The following DNAAF9 variants were observed in gnomAD, a reference collection of about 807,000 sequenced individuals.
DNAAF9 encodes dynein axonemal assembly factor 9.
A neutral mutation model predicts 167.0 loss-of-function variants in DNAAF9; 90 were observed. That is an observed-to-expected ratio of 0.54 (90% CI 0.45 to 0.64). The LOEUF (loss-of-function observed/expected upper bound fraction) is 0.64. Ranked by LOEUF, DNAAF9 falls within the 30% of genes least tolerant of loss-of-function variation. DNAAF9 has a pLI of 0.00. For synonymous variants in DNAAF9, 491 were observed against 508.8 expected (o/e 0.96, Z 0.47); for missense variants, 1,315 against 1,442.2 (o/e 0.91, Z 1.43).
Position 3,266,638 on chromosome 20 carries a change from C to G in DNAAF9, c.2787-2114G>C, listed in dbSNP as rs1049798062. 1.3e-4 allele frequency among the ~76,000 whole-genome samples: 19 copies of G among 151,320 alleles called. 1 individual carries two copies. Among genetic ancestry groups the G allele is most frequent in the Admixed American group, 9.9e-4 (15 of 15,136 alleles). ...GACTACAGGTGCCCGCCACCATGCC[C>G]GGCTTATTTTTTGTATTTTTAGTAG... On this transcript the variant is annotated intron_variant, in intron 30 of 36. Transcript: ENST00000252032.
intron 20 of DNAAF9, among the ~76,000 whole-genome samples, chr20:3,308,585 C>G (rs370684915): frequency 2.0e-5 from 3 of 151,938 alleles, no homozygotes; most frequent in Non-Finnish European, 2.9e-5. Context: ...CTCAGGTGAC[C>G]TGCCCGCCTC....
At chr20:3,283,662 C>T (rs1215290717) in intron 27 of DNAAF9, among the ~76,000 whole-genome samples, 2 of 152,326 alleles carry the variant, frequency 1.3e-5, no homozygotes, top group African/African-American at 4.8e-5. Flanking sequence ...TGTTCTGCAT[C>T]CCTCTGTGGT....
intron 25 of DNAAF9, among the ~76,000 whole-genome samples, chr20:3,290,575 C>G (rs1294165869): frequency 1.3e-5 from 2 of 152,144 alleles, no homozygotes; most frequent in East Asian, 3.8e-4. Context: ...GACCACAGAT[C>G]TCTTCTGTAA....
intron 20 of DNAAF9, among the ~76,000 whole-genome samples, chr20:3,309,808 A>G (rs957175956): frequency 6.6e-6 from 1 of 152,212 alleles, no homozygotes; most frequent in Non-Finnish European, 1.5e-5. Flanking sequence ...ATTCATGAAA[A>G]AGCATCAGAA....
intron 16 of DNAAF9, 99 bp from the exon 17 acceptor site, chr20:3,318,499 CA>C: frequency 3.0e-6 from 2 of 659,786 alleles, no homozygotes; most frequent in Non-Finnish European, 5.6e-6. Context: ...AGGAACATGG[CA>C]AAAGAGTACT....
chr20:3,294,273 A>G lies in DNAAF9; in HGVS notation c.2121-17T>C, dbSNP rs1234315687. 6.5e-7 allele frequency: 1 copy of G among 1,530,676 alleles called. No homozygotes were observed. The highest frequency in any genetic ancestry group is 1.7e-5 in the Admixed American group (1 of 59,862). 94.8% of individuals were successfully genotyped at this position (1,530,676 alleles called of 1,614,324 possible). ...TGGAGAAACCTAAAAACACAAAGAC[A>G]ATGCTATTATGTTACCATCCTAGCC... On this transcript the variant is annotated splice_polypyrimidine_tract_variant and intron_variant, in intron 24 of 36. Coordinates refer to ENST00000252032, the MANE Select transcript of DNAAF9 (RefSeq NM_001009984.3).
Position 3,318,282 on chromosome 20 carries a change from T to C in DNAAF9, c.1468+7A>G, listed in dbSNP as rs375282939. 63 of 1,259,468 alleles carry C rather than the reference T, an allele frequency of 5.0e-5. No individual in the cohort carries two copies. Among genetic ancestry groups the C allele is most frequent in the Admixed American group, 6.9e-5 (4 of 58,166 alleles). 78.0% of individuals were successfully genotyped at this position (1,259,468 alleles called of 1,614,324 possible). A position where few individuals can be genotyped will look rare whatever the true frequency, so the allele number is the denominator to read the frequency against. ...AGGTTTGCTTTCTAAAGATCACATA[T>C]ACTTACCCTTTTCTTTAACTAAGAT... On this transcript the variant is annotated splice_region_variant and intron_variant, in intron 17 of 36. Coordinates refer to ENST00000252032, the MANE Select transcript of DNAAF9 (RefSeq NM_001009984.3).
chr20:3,340,458 ACTTG>A, intron 10 of DNAAF9, 42 bp downstream of exon 10: 4 of 208,220 alleles, frequency 1.9e-5, no homozygotes, highest in Admixed American at 5.2e-5. Context: ...CACCCCCACA[ACTTG>A]ATAATAAAAC....
chr20:3,392,856 T>G (rs2083845366), intron 1 of DNAAF9, among the ~76,000 whole-genome samples: 1 of 152,212 alleles, frequency 6.6e-6, no homozygotes, highest in Admixed American at 6.5e-5. Context: ...CTGTACACTT[T>G]GTGTCTTGAA....
At chr20:3,277,126 A>G (rs2068687764) in intron 29 of DNAAF9, among the ~76,000 whole-genome samples, 1 of 152,176 alleles carries the variant, frequency 6.6e-6, no homozygotes, top group South Asian at 2.1e-4. Flanking sequence ...TATCATCTGC[A>G]CCTGCTGGCT....
intron 20 of DNAAF9, among the ~76,000 whole-genome samples, chr20:3,307,634 T>G (rs2069323506): frequency 6.6e-6 from 1 of 152,050 alleles, no homozygotes; most frequent in Admixed American, 6.6e-5. Context: ...TTCTCCATTC[T>G]GTAAGTCTGA....
rs572957186 is a variant in DNAAF9, at chr20:3,270,389, G to A, written c.2786+38C>T. 5.8e-5 allele frequency: 92 copies of A among 1,592,050 alleles called. No homozygotes were observed. In the South Asian group the frequency reaches 8.2e-4, roughly 14 times the overall value. ...GCCACAGACAGAGTGCTGTATCTGA[G>A]AAAGCAACTGGTCTTGCAGAGTGAA... On this transcript the variant is annotated intron_variant, in intron 30 of 36. Transcript: ENST00000252032.
chr20:3,297,850 T>C (rs747452929), intron 22 of DNAAF9, among the ~76,000 whole-genome samples, 179 bp downstream of exon 22: 4 of 152,184 alleles, frequency 2.6e-5, no homozygotes, highest in Admixed American at 1.3e-4. Context: ...TCACCTCTCA[T>C]TGCCAACAGC....
At chr20:3,269,481 T>C (rs2068553582) in intron 30 of DNAAF9, among the ~76,000 whole-genome samples, 1 of 151,970 alleles carries the variant, frequency 6.6e-6, no homozygotes, top group African/African-American at 2.4e-5. Flanking sequence ...GGATTACAGG[T>C]TGAGCCATCA....
In DNAAF9 at chr20:3,255,286, T is replaced by C; in HGVS notation, c.3262-2A>G. The C allele has an allele frequency of 6.5e-7, 1 of 1,546,354 alleles. No homozygotes were observed. Among genetic ancestry groups the C allele is most frequent in the Non-Finnish European group, 8.8e-7 (1 of 1,142,336 alleles). ...CTTCAGGGCTTTCCTCTGAGGCTTC[T>C]GCAGAGATGGGGAGTGGAGGGTCAG... is the stretch of plus-strand genomic sequence containing the variant. On this transcript the variant is annotated splice_acceptor_variant, in intron 34 of 36. Transcript: ENST00000252032. LOFTEE classifies it high-confidence loss of function.
At position 3,407,480 on chromosome 20, in the gene DNAAF9, G is replaced by A. The variant is rs990078734; in HGVS notation, c.78C>T (p.Ser26=). The change falls in exon 1 of 37, where the codon TCC becomes TCT. Residue 26 remains serine (S), a synonymous_variant. Coordinates refer to ENST00000252032, the MANE Select transcript of DNAAF9 (RefSeq NM_001009984.3). ...GCTGCCTCTGCCCCGCGTACCTGACGGAGGGTGACCCGCGGCTGGAGCCGC... is the reference window on the plus strand; with the variant it reads ...GCTGCCTCTGCCCCGCGTACCTGACAGAGGGTGACCCGCGGCTGGAGCCGC... ...SPGGSSRGSP[S]VSCSRLRQVQ... 5 of 1,310,026 alleles carry A rather than the reference G, an allele frequency of 3.8e-6. No homozygotes were observed. The highest frequency in any genetic ancestry group is 1.5e-5 in the African/African-American group (1 of 65,046). 81.2% of individuals were successfully genotyped at this position (1,310,026 alleles called of 1,614,324 possible). A position where few individuals can be genotyped will look rare whatever the true frequency, so the allele number is the denominator to read the frequency against.
At chr20:3,296,161 C>A (rs1043753673) in intron 23 of DNAAF9, 3 of 600,390 alleles carry the variant, frequency 5.0e-6, no homozygotes, top group Non-Finnish European at 9.8e-6. Context: ...CCTCTGTAGT[C>A]CCACCTGCTA....
Position 3,340,577 on chromosome 20 carries a change from C to A in DNAAF9, c.908G>T (p.Gly303Val). ...TCCTTCAGAAGGGAAGTTAAAGTTG[C>A]CAGCATTCAGGTTTTCTCGTGTGGA... ...NHSTRENLNA[G>V]NFNFPSEGHL... The change falls in exon 10 of 37, where the codon GGC (glycine) becomes GTC (valine). Residue 303 changes from glycine to valine, a missense_variant. Physicochemically the swap from Gly to Val is moderately radical, Grantham distance 109. Transcript: ENST00000252032. The A allele has an allele frequency of 6.2e-7, 1 of 1,613,756 alleles. No homozygotes were observed. The highest frequency in any genetic ancestry group is 8.5e-7 in the Non-Finnish European group (1 of 1,179,750).
At chr20:3,358,654 T>A (rs1041575687) in intron 7 of DNAAF9, among the ~76,000 whole-genome samples, 1 of 152,178 alleles carries the variant, frequency 6.6e-6, no homozygotes, top group African/African-American at 2.4e-5. Flanking sequence ...AAACTGTATC[T>A]TTTCCTTATT....
Sources: allele counts gnomAD v4.1 joint callset (sites outside exome capture counted in the v4.1 genomes callset), GRCh38; gene constraint gnomAD v4.1.1; transcripts MANE v1.5; gene names NCBI Gene and HGNC (gene_info 2026-07-23, HGNC 2026-07-21).